RGS22: variants seen among roughly 807,000 people sequenced by gnomAD.
RGS22 encodes regulator of G-protein signaling 22.
A neutral mutation model predicts 172.9 loss-of-function variants in RGS22; 148 were observed. The observed-to-expected ratio is 0.86, with a 90% CI of 0.75 to 0.98. The LOEUF (loss-of-function observed/expected upper bound fraction) is 0.98, where lower values mean the gene tolerates loss of function less well. RGS22 is among the 50% of genes least tolerant of loss of function. The pLI, the probability that RGS22 is intolerant of heterozygous loss-of-function variation, is 0.00. For synonymous variants in RGS22, 458 were observed against 480.2 expected (o/e 0.95, Z 0.60); for missense variants, 1,347 against 1,440.8 (o/e 0.93, Z 1.05).
chr8:100,062,166 G>C (rs1338240748), intron 9 of RGS22, among the ~76,000 whole-genome samples: 4 of 152,042 alleles, frequency 2.6e-5, no homozygotes. Flanking sequence ...AGATAGAAAG[G>C]AAGGAGAGGA....
At chr8:100,093,954 T>C (rs958936016) in intron 2 of RGS22, among the ~76,000 whole-genome samples, 2 of 152,196 alleles carry the variant, frequency 1.3e-5, no homozygotes, top group Non-Finnish European at 2.9e-5. Flanking sequence ...TTTCTTGAAT[T>C]GCCCAATGAA....
chr8:99,991,845 A>G (rs1359866545), intron 20 of RGS22, among the ~76,000 whole-genome samples: 1 of 152,202 alleles, frequency 6.6e-6, no homozygotes, highest in Non-Finnish European at 1.5e-5. Context: ...TGAAGGAAAA[A>G]GTGTTAAGGG....
intron 21 of RGS22, among the ~76,000 whole-genome samples, chr8:99,982,521 C>T (rs1034906888): frequency 2.6e-5 from 4 of 152,110 alleles, no homozygotes; most frequent in African/African-American, 9.7e-5. Context: ...ACATGTTGCT[C>T]CTATTTTGGA....
At chr8:100,031,654 T>A (rs1391972249) in intron 14 of RGS22, among the ~76,000 whole-genome samples, 1 of 152,120 alleles carries the variant, frequency 6.6e-6, no homozygotes, top group African/African-American at 2.4e-5. Flanking sequence ...TCATTATGTA[T>A]GCTATGGAGA....
chr8:99,968,238 C>G (rs529478788), intron 23 of RGS22, among the ~76,000 whole-genome samples: 37 of 152,046 alleles, frequency 2.4e-4, no homozygotes, highest in Non-Finnish European at 4.6e-4. Flanking sequence ...CCATCAGCAT[C>G]AAAGATGAAA....
At chr8:100,103,201 C>T (rs1029604699) in intron 2 of RGS22, among the ~76,000 whole-genome samples, 15 of 152,166 alleles carry the variant, frequency 9.9e-5, no homozygotes, top group African/African-American at 3.4e-4. Flanking sequence ...TCTAATACAA[C>T]TGATGCTCAG....
intron 11 of RGS22, 89 bp downstream of exon 11, chr8:100,047,374 A>T: frequency 1.7e-6 from 2 of 1,173,820 alleles, no homozygotes; most frequent in Non-Finnish European, 2.4e-6. Context: ...ATATCAAAGT[A>T]CTAGTTTTTA....
chr8:100,039,874 A>G, intron 13 of RGS22, 88 bp downstream of exon 13: 1 of 737,948 alleles, frequency 1.4e-6, no homozygotes, highest in South Asian at 3.3e-5. Flanking sequence ...AACATCAAAT[A>G]TAATTATGTG....
chr8:100,008,386 C>T lies in RGS22; in HGVS notation c.2350G>A (p.Ala784Thr), dbSNP rs754604015. ...CGGTGGCACGGTACCTTTTTATAAG[C>T]AATTTGGTCCGATTTTACCATCTTT... is the stretch of plus-strand genomic sequence containing the variant. ...WTKMVKSDQI[A>T]YKKVELVEET... The change falls in exon 15 of 28, where the codon GCT becomes ACT. Residue 784 changes from alanine to threonine, a missense_variant. Physicochemically the swap from Ala to Thr is moderately conservative, Grantham distance 58. Coordinates refer to ENST00000360863, the MANE Select transcript of RGS22 (RefSeq NM_015668.5). 6.2e-7 allele frequency: 1 copy of T among 1,609,232 alleles called. No homozygotes were observed. Among genetic ancestry groups the T allele is most frequent in the South Asian group, 1.1e-5 (1 of 89,712 alleles).
intron 9 of RGS22, among the ~76,000 whole-genome samples, chr8:100,053,695 G>A (rs750377240): frequency 2.6e-5 from 4 of 152,026 alleles, no homozygotes; most frequent in Non-Finnish European, 5.9e-5. Context: ...GAATGCAGTG[G>A]TGCGATCTCA....
chr8:100,082,873 C>G (rs769301089), intron 3 of RGS22, among the ~76,000 whole-genome samples: 3 of 152,148 alleles, frequency 2.0e-5, no homozygotes, highest in Non-Finnish European at 2.9e-5. Context: ...AGTAAAGGCA[C>G]AGAGGCATGA....
rs1232603035 is a variant in RGS22, at chr8:100,051,521, TTATATATTTATACA to T, written c.1689+1267_1689+1280del. On this transcript the variant is annotated intron_variant, in intron 10 of 27. Coordinates refer to ENST00000360863, the MANE Select transcript of RGS22 (RefSeq NM_015668.5). The stretch of plus-strand genomic sequence containing the variant: ...ATAATAAATATATATAAATATATTT[TTATATATTTATACA>T]TATATATTTATACATGTATTTATAT... Among the ~76,000 whole-genome samples, 337 of 103,096 alleles carry T rather than the reference TTATATATTTATACA, an allele frequency of 3.3e-3. 107 individuals carry two copies. Among genetic ancestry groups the T allele is most frequent in the African/African-American group, 0.013 (327 of 24,942 alleles). 67.6% of individuals were successfully genotyped at this position (103,096 alleles called of 152,430 possible). A position where few individuals can be genotyped will look rare whatever the true frequency, so the allele number is the denominator to read the frequency against.
At chr8:100,020,375 T>C (rs910634362) in intron 14 of RGS22, among the ~76,000 whole-genome samples, 1 of 152,216 alleles carries the variant, frequency 6.6e-6, no homozygotes, top group African/African-American at 2.4e-5. Flanking sequence ...AGCTTTTTCA[T>C]AAGCTCCTTC....
At chr8:99,980,234 G>A (rs750439257) in intron 22 of RGS22, among the ~76,000 whole-genome samples, 16 of 152,194 alleles carry the variant, frequency 1.1e-4, no homozygotes, top group South Asian at 8.3e-4. Context: ...GTGCTGCACC[G>A]GAATTGAAAT....
chr8:100,096,509 A>C (rs1212214500), intron 2 of RGS22, among the ~76,000 whole-genome samples: 1 of 152,154 alleles, frequency 6.6e-6, no homozygotes, highest in African/African-American at 2.4e-5. Context: ...TTACTGAAAG[A>C]GGGTTAACAA....
chr8:100,035,484 A>T (rs1819344113), intron 14 of RGS22, among the ~76,000 whole-genome samples: 1 of 152,224 alleles, frequency 6.6e-6, no homozygotes, highest in African/African-American at 2.4e-5. Context: ...GGATGTGGAG[A>T]AATAGAAATG....
intron 23 of RGS22, among the ~76,000 whole-genome samples, chr8:99,965,982 T>C (rs1810688877): frequency 6.6e-6 from 1 of 152,246 alleles, no homozygotes; most frequent in Non-Finnish European, 1.5e-5. Flanking sequence ...ATTTGTTGAA[T>C]GATGAAATTA....
At chr8:100,043,691 G>A (rs963905806) in intron 11 of RGS22, among the ~76,000 whole-genome samples, 1 of 151,958 alleles carries the variant, frequency 6.6e-6, no homozygotes, top group Non-Finnish European at 1.5e-5. Context: ...CAGGAGAATC[G>A]CTTGAACTCA....
chr8:100,095,868 A>C (rs73698431), intron 2 of RGS22, among the ~76,000 whole-genome samples: 3,957 of 152,348 alleles, frequency 0.026, 172 homozygotes, highest in African/African-American at 0.088. Flanking sequence ...ATTTCTATCA[A>C]TATGAAACCT....
Sources: allele counts gnomAD v4.1 joint callset (sites outside exome capture counted in the v4.1 genomes callset), GRCh38; gene constraint gnomAD v4.1.1; transcripts MANE v1.5; gene names NCBI Gene and HGNC (gene_info 2026-07-23, HGNC 2026-07-21).